The following TRPM1 variants were observed in gnomAD, a reference collection of about 807,000 sequenced individuals.
The protein encoded by TRPM1 is transient receptor potential cation channel subfamily M member 1, also known as TRPM1-203 APA Isoform, Intron 10.
In TRPM1, 113 loss-of-function variants were observed where a neutral mutation model predicts 149.4. The ratio of observed to expected loss-of-function variants is 0.76; its 90% CI spans 0.65 to 0.88. TRPM1 has a LOEUF of 0.88. Ranked by LOEUF, TRPM1 falls within the 40% of genes least tolerant of loss-of-function variation. The probability of loss-of-function intolerance (pLI) is 0.00; values close to 1 mark genes in which losing one functional copy is unlikely to be tolerated. For missense variants in TRPM1, 1,976 were observed against 2,038.7 expected, an observed-to-expected ratio of 0.97 and a Z score of 0.59; for synonymous variants, 741 against 759.5, an observed-to-expected ratio of 0.98 and a Z score of 0.40.
At chr15:31,081,790 C>A (rs2034866061) in intron 1 of TRPM1, among the ~76,000 whole-genome samples, 1 of 152,156 alleles carries the variant, frequency 6.6e-6, no homozygotes, top group Non-Finnish European at 1.5e-5. Context: ...GCAGTGCCAC[C>A]TGCTCAGCCC....
chr15:31,081,785 G>A (rs2034865916), intron 1 of TRPM1, among the ~76,000 whole-genome samples: 1 of 152,110 alleles, frequency 6.6e-6, no homozygotes, highest in Non-Finnish European at 1.5e-5. Context: ...GTGGAGCAGT[G>A]CCACCTGCTC....
chr15:31,066,353 T>C, intron 6 of TRPM1, 106 bp from the exon 7 acceptor site: 2 of 1,222,242 alleles, frequency 1.6e-6, no homozygotes, highest in Admixed American at 3.8e-5. Flanking sequence ...CTAAAACTTA[T>C]TCTCACATCT....
intron 22 of TRPM1, 108 bp from the exon 23 acceptor site, chr15:31,031,265 G>T: frequency 8.0e-7 from 1 of 1,246,442 alleles, no homozygotes; most frequent in Non-Finnish European, 1.2e-6. Context: ...TGCTTAATTA[G>T]GACGAAGAAA....
Position 31,035,687 on chromosome 15 carries a change from C to T in TRPM1, c.2572-13G>A, listed in dbSNP as rs2033335087. ...CCAAGTATGATATCTGAAAGAAAGA[C>T]AAGCTGTTAGCCGTGTTTGGGGGAA... On this transcript the variant is annotated splice_polypyrimidine_tract_variant and intron_variant, in intron 20 of 27. Transcript: ENST00000256552. 6.2e-7 allele frequency: 1 copy of T among 1,614,070 alleles called. No individual in the cohort carries two copies. The highest frequency in any genetic ancestry group is 1.1e-5 in the South Asian group (1 of 91,086).
intron 27 of TRPM1, among the ~76,000 whole-genome samples, chr15:31,016,567 G>A (rs937871193): frequency 6.6e-6 from 1 of 152,158 alleles, no homozygotes; most frequent in African/African-American, 2.4e-5. Flanking sequence ...GGTCATTAAT[G>A]AGGCCATTTT....
rs576013874 is a variant in TRPM1 at position 31,160,442 on chromosome 15, G to A, written c.54+464C>T. Among the ~76,000 whole-genome samples the A allele has an allele frequency of 9.2e-5, 14 of 152,230 alleles. No individual in the cohort carries two copies. In the South Asian group the frequency reaches 2.3e-3, roughly 25 times the overall value. ...TGCTGCTGCCTGCTTTCCTCTGCCA[G>A]ACCCCATCCCCTAAGGGCGAGGCCC... On this transcript the variant is annotated intron_variant, in intron 1 of 26. Coordinates refer to the TRPM1 transcript ENST00000542188.
intron 1 of TRPM1, among the ~76,000 whole-genome samples, chr15:31,138,623 C>A (rs113862103): frequency 2.6e-4 from 40 of 151,910 alleles, no homozygotes; most frequent in African/African-American, 8.7e-4. Context: ...TTTGGGAGTC[C>A]GAGGCAGGAG....
At chr15:31,054,809 T>C (rs538156387) in intron 11 of TRPM1, among the ~76,000 whole-genome samples, 1 of 152,276 alleles carries the variant, frequency 6.6e-6, no homozygotes, top group South Asian at 2.1e-4. Context: ...TAAAATCTAC[T>C]CTTTTAGCAA....
intron 10 of TRPM1, 129 bp from the exon 11 acceptor site, chr15:31,060,773 T>C: frequency 1.3e-6 from 1 of 781,420 alleles, no homozygotes. Flanking sequence ...CTGGCTTTGC[T>C]CTTGCCCTGA....
intron 1 of TRPM1, among the ~76,000 whole-genome samples, chr15:31,089,624 G>T (rs970206246): frequency 6.6e-6 from 1 of 152,246 alleles, no homozygotes; most frequent in Non-Finnish European, 1.5e-5. Flanking sequence ...GGGAGAGTTT[G>T]TAATTGATGA....
chr15:31,088,680 CT>C (rs1567045598), intron 1 of TRPM1, among the ~76,000 whole-genome samples: 1 of 152,204 alleles, frequency 6.6e-6, no homozygotes, highest in African/African-American at 2.4e-5. Flanking sequence ...GCATTTCATA[CT>C]AAGCCTTTTT....
intron 1 of TRPM1, among the ~76,000 whole-genome samples, chr15:31,113,585 C>T (rs982407997): frequency 6.6e-6 from 1 of 152,150 alleles, no homozygotes; most frequent in Non-Finnish European, 1.5e-5. Flanking sequence ...CCCCATACAA[C>T]TGCAGGTTTG....
At chr15:31,059,754 C>T (rs753302114) in intron 11 of TRPM1, among the ~76,000 whole-genome samples, 1 of 152,184 alleles carries the variant, frequency 6.6e-6, no homozygotes, top group Non-Finnish European at 1.5e-5. Context: ...GATATTCCTA[C>T]TACCTTTCAT....
chr15:31,021,864 A>G (rs2032562758), intron 27 of TRPM1, among the ~76,000 whole-genome samples: 1 of 152,176 alleles, frequency 6.6e-6, no homozygotes, highest in Non-Finnish European at 1.5e-5. Flanking sequence ...TACACTTAAA[A>G]TGTATAATTT....
chr15:31,126,860 A>G (rs2035957730), intron 1 of TRPM1, among the ~76,000 whole-genome samples: 1 of 152,130 alleles, frequency 6.6e-6, no homozygotes, highest in Admixed American at 6.5e-5. Context: ...CTAGCTACTC[A>G]GGAGGCTGAG....
intron 1 of TRPM1, among the ~76,000 whole-genome samples, chr15:31,110,923 C>T (rs2035678761): frequency 6.7e-6 from 1 of 149,120 alleles, no homozygotes; most frequent in Admixed American, 6.7e-5. Flanking sequence ...CCCTCCCTCC[C>T]TTCTGCTTTT....
intron 18 of TRPM1, 127 bp from the exon 19 acceptor site, chr15:31,038,293 G>A: frequency 9.2e-7 from 1 of 1,081,248 alleles, no homozygotes; most frequent in Admixed American, 2.3e-5. Flanking sequence ...TGTTATCCCT[G>A]GTCTGACGTT....
intron 4 of TRPM1, 181 bp downstream of exon 4, chr15:31,069,850 T>C (rs2034481827): frequency 6.4e-7 from 1 of 1,562,318 alleles, no homozygotes; most frequent in Middle Eastern, 1.7e-4. Context: ...GGTGTCCAGT[T>C]TCCAAGCCTC....
chr15:31,113,257 A>C (rs2035726908), intron 1 of TRPM1, among the ~76,000 whole-genome samples: 1 of 152,186 alleles, frequency 6.6e-6, no homozygotes, highest in Non-Finnish European at 1.5e-5. Context: ...AGGGCTCCAC[A>C]GGACAGGACC....
Sources: allele counts gnomAD v4.1 joint callset (sites outside exome capture counted in the v4.1 genomes callset), GRCh38; gene constraint gnomAD v4.1.1; transcripts MANE v1.5; gene names NCBI Gene and HGNC (gene_info 2026-07-23, HGNC 2026-07-21).